GREP1: variants seen among roughly 807,000 people sequenced by gnomAD.
GREP1 encodes glycine-rich extracellular protein 1.
At chr16:2,995,538 G>A (rs1449087846) in intron 15 of GREP1, 81 bp from the exon 16 acceptor site, 4 of 398,692 alleles carry the variant, frequency 1.0e-5, no homozygotes, top group Non-Finnish European at 1.8e-5. Flanking sequence ...CTGAAGGGCT[G>A]CTGGGAGGAA....
chr16:2,998,685 G>A (rs2072441228), intron 25 of GREP1, among the ~76,000 whole-genome samples, 162 bp downstream of exon 23: 1 of 152,166 alleles, frequency 6.6e-6, no homozygotes, highest in African/African-American at 2.4e-5. Flanking sequence ...GTGGACCAAG[G>A]GAGCTGGGCT....
intron 10 of GREP1, 81 bp from the exon 12 acceptor site, chr16:2,994,617 G>A (rs2072415082): frequency 2.5e-6 from 1 of 398,702 alleles, no homozygotes; most frequent in Non-Finnish European, 4.4e-6. Context: ...TTGAAGTTGG[G>A]GGTGGGGACA....
intron 2 of GREP1, 60 bp downstream of exon 2, chr16:2,988,682 G>A: frequency 2.5e-6 from 1 of 398,962 alleles, no homozygotes; most frequent in Non-Finnish European, 4.4e-6. Context: ...TGCCCTGGGG[G>A]TGTGGGAGCT....
intron 7 of GREP1, 133 bp from the exon 7 acceptor site, chr16:2,990,915 G>A (rs1321338723): frequency 7.5e-6 from 3 of 398,396 alleles, no homozygotes; most frequent in Non-Finnish European, 1.3e-5. Context: ...GCTTTGGAGG[G>A]GCTGAGAAGC....
chr16:2,990,512 G>A (rs1254363279), intron 6 of GREP1, 40 bp from the exon 6 acceptor site: 2 of 399,382 alleles, frequency 5.0e-6, no homozygotes, highest in Non-Finnish European at 8.8e-6. Context: ...GCCCCTGCCT[G>A]CCTCCCTCCT....
rs541406039 is a variant in GREP1 at position 2,997,944 on chromosome 16, G to A, written c.949+109G>A. ...TCTCCCCATGGTGCAAGAACGGGCT[G>A]GAGCTGGAGCCTTCCTGTGGGAAGG... On this transcript the variant is annotated intron_variant, in intron 23 of 34. Coordinates refer to ENST00000573315, the Ensembl canonical transcript of GREP1. 66 of 397,492 alleles carry A rather than the reference G, an allele frequency of 1.7e-4. 1 individual carries two copies. The highest frequency in any genetic ancestry group is 2.7e-4 in the Non-Finnish European group (61 of 225,644). 24.6% of individuals were successfully genotyped at this position (397,492 alleles called of 1,614,324 possible). A position where few individuals can be genotyped will look rare whatever the true frequency, so the allele number is the denominator to read the frequency against.
intron 23 of GREP1, 112 bp from the exon 22 acceptor site, chr16:2,998,244 G>A (rs1423257232): frequency 1.0e-5 from 4 of 398,144 alleles, no homozygotes; most frequent in Non-Finnish European, 1.8e-5. Flanking sequence ...CCTGGCTGGG[G>A]CTCCTGCCAG....
At chr16:3,000,417 C>T (rs919837019) in intron 30 of GREP1, 4 of 399,060 alleles carry the variant, frequency 1.0e-5, no homozygotes, top group Non-Finnish European at 1.8e-5. Context: ...CAGCCTCTGA[C>T]ACCCTCTTTC....
intron 16 of GREP1, 30 bp downstream of exon 16, chr16:2,995,684 G>A (rs1417944164): frequency 2.5e-6 from 1 of 398,708 alleles, no homozygotes; most frequent in Non-Finnish European, 4.4e-6. Flanking sequence ...GGGGCTGGGG[G>A]AGAATGTGGG....
Position 2,989,944 on chromosome 16 carries a change from G to C in GREP1, c.131-30G>C. ...GGGGCTCTGGGGAGATCCTGGGGGA[G>C]GGGTGTCCCTCACCTCCCTGTCTCT... On this transcript the variant is annotated intron_variant, in intron 3 of 34. Coordinates refer to ENST00000573315, the Ensembl canonical transcript of GREP1. The surrounding 1 kb of genome is among the most constrained non-coding windows in gnomAD (Gnocchi z 4.2). 1 of 398,942 alleles carries C rather than the reference G, an allele frequency of 2.5e-6. No homozygotes were observed. The allele number at this position is 398,942 out of a possible 1,614,324, so 24.7% of individuals were successfully genotyped here.
At position 2,994,852 on chromosome 16, in the gene GREP1, C is replaced by T. The variant is rs1305569700; in HGVS notation, c.448+14C>T. Reference sequence around the variant, plus strand: ...CCCAGAAGCCAGGTGAGCCCTGCCCCGGCCTGTCCCTCTGCCTCCCCAAAA... The same window carrying T: ...CCCAGAAGCCAGGTGAGCCCTGCCCTGGCCTGTCCCTCTGCCTCCCCAAAA... On this transcript the variant is annotated intron_variant, in intron 12 of 34. Transcript: ENST00000573315. 1.3e-5 allele frequency: 5 copies of T among 399,166 alleles called. No individual in the cohort carries two copies. Among genetic ancestry groups the T allele is most frequent in the South Asian group, 1.3e-4 (1 of 7,858 alleles). 24.7% of individuals were successfully genotyped at this position (399,166 alleles called of 1,614,324 possible).
chr16:2,989,279 C>T lies in GREP1; in HGVS notation c.101-244C>T, dbSNP rs1596460862. The T allele has an allele frequency of 4.4e-5, 17 of 389,870 alleles. No homozygotes were observed. In the East Asian group the frequency reaches 6.2e-4, roughly 14 times the overall value. 24.2% of individuals were successfully genotyped at this position (389,870 alleles called of 1,614,324 possible). A position where few individuals can be genotyped will look rare whatever the true frequency, so the allele number is the denominator to read the frequency against. ...CACTGCCCTAGCCCCAGACTGCTCA[C>T]CTCCTCTGCCCTCTACCCTCCTGTG... is the stretch of plus-strand genomic sequence containing the variant. On this transcript the variant is annotated intron_variant, in intron 2 of 34. Transcript: ENST00000573315. The surrounding 1 kb of genome is among the most constrained non-coding windows in gnomAD (Gnocchi z 4.2).
intron 13 of GREP1, 92 bp downstream of exon 14, chr16:2,995,054 C>T (rs1157943101): frequency 2.5e-6 from 1 of 398,344 alleles, no homozygotes; most frequent in East Asian, 3.6e-5. Flanking sequence ...AGAGGGGTGA[C>T]GGGGCGTCTC....
chr16:2,995,902 C>G, exon 18 of GREP1: 1 of 398,434 alleles, frequency 2.5e-6, no homozygotes, highest in Non-Finnish European at 4.4e-6. Flanking sequence ...GGGGCTGGAA[C>G]CCAGCCAGGT....
At position 2,996,491 on chromosome 16, in the gene GREP1, C is replaced by G. The variant is rs980819815; in HGVS notation, c.677-5C>G. The G allele has an allele frequency of 7.5e-6, 3 of 399,136 alleles. No homozygotes were observed. Among genetic ancestry groups the G allele is most frequent in the Admixed American group, 8.8e-5 (2 of 22,744 alleles). The allele number at this position is 399,136 out of a possible 1,614,324, so 24.7% of individuals were successfully genotyped here. A position where few individuals can be genotyped will look rare whatever the true frequency, so the allele number is the denominator to read the frequency against. Reference sequence around the variant, plus strand: ...GTCTCACACCCTCCCCGTCCCTCCCCCTAGAATATGGCCATGGAAATGGAC... The same window carrying G: ...GTCTCACACCCTCCCCGTCCCTCCCGCTAGAATATGGCCATGGAAATGGAC... On this transcript the variant is annotated splice_region_variant and splice_polypyrimidine_tract_variant and intron_variant, in intron 18 of 34. Transcript: ENST00000573315.
intron 33 of GREP1, 143 bp downstream of exon 27, chr16:3,000,970 G>A (rs894883302): frequency 7.5e-6 from 3 of 399,152 alleles, no homozygotes; most frequent in Non-Finnish European, 1.3e-5. Context: ...GTGAGAAGAG[G>A]CCAGGAGGGC....
intron 23 of GREP1, 115 bp from the exon 22 acceptor site, chr16:2,998,241 G>A: frequency 2.5e-6 from 1 of 398,196 alleles, no homozygotes; most frequent in Non-Finnish European, 4.4e-6. Context: ...GGACCTGGCT[G>A]GGGCTCCTGC....
At chr16:2,997,520 C>T in intron 22 of GREP1, 1 of 398,374 alleles carries the variant, frequency 2.5e-6, no homozygotes, top group Non-Finnish European at 4.4e-6. Flanking sequence ...GGGGCTCCTG[C>T]AGCCTTAGAC....
chr16:3,000,922 T>C (rs946984621), intron 33 of GREP1, 95 bp downstream of exon 27: 11 of 394,852 alleles, frequency 2.8e-5, no homozygotes, highest in Non-Finnish European at 4.9e-5. Context: ...CCCACAGAGA[T>C]AGAAGGTACA....
Sources: allele counts gnomAD v4.1 joint callset (sites outside exome capture counted in the v4.1 genomes callset), GRCh38; gene constraint gnomAD v4.1.1; non-coding constraint Gnocchi (gnomAD v3.1); transcripts MANE v1.5; gene names NCBI Gene and HGNC (gene_info 2026-07-23, HGNC 2026-07-21).